The following ICMT variants were observed in gnomAD, a reference collection of about 807,000 sequenced individuals.
The protein encoded by ICMT is protein-S-isoprenylcysteine O-methyltransferase.
In ICMT, 10 loss-of-function variants were observed where a neutral mutation model predicts 32.2. The observed-to-expected ratio is 0.31, with a 90% CI of 0.19 to 0.53. The LOEUF (loss-of-function observed/expected upper bound fraction) is 0.53, where lower values mean the gene tolerates loss of function less well. Among genes scored for constraint, ICMT ranks in the 20% least tolerant of loss-of-function variants. The pLI, the probability that ICMT is intolerant of heterozygous loss-of-function variation, is 0.96. For missense variants in ICMT, 265 were observed against 356.9 expected (o/e 0.74, Z 2.07); for synonymous variants, 183 against 158.2 (o/e 1.16, Z -1.18).
chr1:6,223,806 C>T lies in ICMT; in HGVS notation c.*1274G>A, dbSNP rs1490027896. On this transcript the variant is annotated 3_prime_UTR_variant, in exon 5 of 5. Coordinates refer to ENST00000343813, the MANE Select transcript of ICMT (RefSeq NM_012405.4). ...TGGTGCTCTGGCCCCGCGCCGACGC[C>T]GCCTTCACATTCACACTTCTTCAGT... The T allele has an allele frequency of 2.0e-5, 3 of 152,216 alleles. No homozygotes were observed. Among genetic ancestry groups the T allele is most frequent in the South Asian group, 2.1e-4 (1 of 4,828 alleles). 9.4% of individuals were successfully genotyped at this position (152,216 alleles called of 1,614,324 possible).
chr1:6,235,949 T>G lies in ICMT; in HGVS notation c.-38A>C, dbSNP rs1668822818. On this transcript the variant is annotated 5_prime_UTR_variant, in exon 1 of 5. Transcript: ENST00000343813. ...CGGACTAGCGGGCGGCGGCGCCGGC[T>G]GTAGCCCGGAGAAACGCGCCGGCTG... is the stretch of plus-strand genomic sequence containing the variant. 6.6e-6 allele frequency: 7 copies of G among 1,062,880 alleles called. No individual in the cohort carries two copies. Among genetic ancestry groups the G allele is most frequent in the Non-Finnish European group, 8.0e-6 (7 of 872,544 alleles). 65.8% of individuals were successfully genotyped at this position (1,062,880 alleles called of 1,614,324 possible). A position where few individuals can be genotyped will look rare whatever the true frequency, so the allele number is the denominator to read the frequency against.
In ICMT at chr1:6,223,109, T is replaced by C. The variant is rs1288449242; in HGVS notation, c.*1971A>G. Reference sequence around the variant, plus strand: ...GGCAAGTCCGTCCGGTTTTTTTTGTTGTTGTTGTTGTTTTTTGAGATGGAG... The same window carrying C: ...GGCAAGTCCGTCCGGTTTTTTTTGTCGTTGTTGTTGTTTTTTGAGATGGAG... On this transcript the variant is annotated 3_prime_UTR_variant, in exon 5 of 5. Transcript: ENST00000343813. The C allele has an allele frequency of 1.3e-5, 2 of 152,204 alleles. No individual in the cohort carries two copies. Among genetic ancestry groups the C allele is most frequent in the African/African-American group, 4.8e-5 (2 of 41,408 alleles). The allele number at this position is 152,204 out of a possible 1,614,324, so 9.4% of individuals were successfully genotyped here. A position where few individuals can be genotyped will look rare whatever the true frequency, so the allele number is the denominator to read the frequency against.
At chr1:6,233,014 C>T (rs148641896) in intron 3 of ICMT, among the ~76,000 whole-genome samples, 5 of 152,088 alleles carry the variant, frequency 3.3e-5, no homozygotes, top group South Asian at 2.1e-4. Flanking sequence ...TGTGCCACTA[C>T]GCCTGGCTTT....
chr1:6,234,815 G>A, intron 2 of ICMT, 71 bp downstream of exon 2: 1 of 1,147,086 alleles, frequency 8.7e-7, no homozygotes, highest in Non-Finnish European at 1.3e-6. Context: ...CAGGGATGAG[G>A]AAATGCCGCT....
chr1:6,225,956 G>C (rs1668640051), intron 4 of ICMT, among the ~76,000 whole-genome samples: 1 of 151,846 alleles, frequency 6.6e-6, no homozygotes, highest in South Asian at 2.1e-4. Context: ...TTGGGCTCAA[G>C]TGATTCTCCC....
chr1:6,235,667 C>A (rs1359300000), intron 1 of ICMT, 50 bp downstream of exon 1: 2 of 1,115,204 alleles, frequency 1.8e-6, no homozygotes, highest in South Asian at 8.3e-5. Context: ...CCGCGCCAAG[C>A]GGACCGCCGC....
chr1:6,235,731 G>A lies in ICMT; in HGVS notation c.181C>T (p.Pro61Ser), dbSNP rs1571228598. ...CCGGCCTGCACCTGGTAGCGAGGCG[G>A]CCGATAGAGCAGCAGCAGCAGCGCG... ...LNALLLLLYR[P>S]PRYQIAIRAC... is the part of the protein sequence containing the mutation. Residue 61 changes from proline (P) to serine (S), a missense_variant, in exon 1 of 5, where the codon CCG (proline) becomes TCG (serine). Physicochemically the swap from Pro to Ser is moderately conservative, Grantham distance 74. Around this residue, in one of 2 missense-constraint regions of ICMT, gnomAD observed 99 missense variants for 92.6 expected, o/e 1.07. Coordinates refer to ENST00000343813, the MANE Select transcript of ICMT (RefSeq NM_012405.4). 15 of 1,301,848 alleles carry A rather than the reference G, an allele frequency of 1.2e-5. No homozygotes were observed. The East Asian group carries it at 5.1e-4, about 44-fold the overall frequency. 80.6% of individuals were successfully genotyped at this position (1,301,848 alleles called of 1,614,324 possible).
In ICMT at chr1:6,229,104, G is replaced by A. The variant is rs187421503; in HGVS notation, c.672+2798C>T. On this transcript the variant is annotated intron_variant, in intron 4 of 4. Transcript: ENST00000343813. Reference sequence around the variant, plus strand: ...TGTAATCCCAGCACTTTGAGAGGCCGAGGCGGGTAGATCACTCAACCGCAG... The same window carrying A: ...TGTAATCCCAGCACTTTGAGAGGCCAAGGCGGGTAGATCACTCAACCGCAG... 1.1e-4 allele frequency among the ~76,000 whole-genome samples: 17 copies of A among 151,858 alleles called. No homozygotes were observed. The East Asian group carries it at 1.2e-3, about 10-fold the overall frequency.
In ICMT at chr1:6,224,813, C is replaced by T; in HGVS notation, c.*267G>A. On this transcript the variant is annotated 3_prime_UTR_variant, in exon 5 of 5. Coordinates refer to ENST00000343813, the MANE Select transcript of ICMT (RefSeq NM_012405.4). Reference sequence around the variant, plus strand: ...TGGCCTCGGTCCTCCCCAGGTAACTCTGGAGGGCGCTGTGGAATATTGCTG... The same window carrying T: ...TGGCCTCGGTCCTCCCCAGGTAACTTTGGAGGGCGCTGTGGAATATTGCTG... The T allele has an allele frequency of 2.5e-6, 1 of 403,854 alleles. No homozygotes were observed. The highest frequency in any genetic ancestry group is 4.4e-6 in the Non-Finnish European group (1 of 226,292). 25.0% of individuals were successfully genotyped at this position (403,854 alleles called of 1,614,324 possible).
At chr1:6,235,122 A>T in intron 1 of ICMT, 148 bp from the exon 2 acceptor site, 1 of 638,042 alleles carries the variant, frequency 1.6e-6, no homozygotes, top group South Asian at 1.8e-5. Flanking sequence ...ACCTGGGTTC[A>T]AATTCTGCAC....
At position 6,233,534 on chromosome 1, in the gene ICMT, A is replaced by C; in HGVS notation, c.394T>G (p.Tyr132Asp). The C allele has an allele frequency of 6.2e-7, 1 of 1,614,082 alleles. No homozygotes were observed. The highest frequency in any genetic ancestry group is 1.1e-5 in the South Asian group (1 of 91,080). ...CAAGAAGAAAGAGCAGCTACTGTATACTCCAGGCTGTGATTCAGGAGAAAG... is the reference window on the plus strand; with the variant it reads ...CAAGAAGAAAGAGCAGCTACTGTATCCTCCAGGCTGTGATTCAGGAGAAAG... Reference protein sequence around the residue: ...DSFLLNHSLEYTVAALSSWLE... With the variant: ...DSFLLNHSLEDTVAALSSWLE... Residue 132 changes from tyrosine to aspartate, a missense_variant, in exon 3 of 5, where the codon TAT (tyrosine) becomes GAT (aspartate). Tyr to Asp is a radical substitution (Grantham distance 160). Transcript: ENST00000343813.
Position 6,222,503 on chromosome 1 carries a change from G to A in ICMT, c.*2577C>T, listed in dbSNP as rs545130970. 2 of 152,322 alleles carry A rather than the reference G, an allele frequency of 1.3e-5. No homozygotes were observed. Among genetic ancestry groups the A allele is most frequent in the African/African-American group, 4.8e-5 (2 of 41,568 alleles). 9.4% of individuals were successfully genotyped at this position (152,322 alleles called of 1,614,324 possible). A position where few individuals can be genotyped will look rare whatever the true frequency, so the allele number is the denominator to read the frequency against. On this transcript the variant is annotated 3_prime_UTR_variant, in exon 5 of 5. Transcript: ENST00000343813. Reference sequence around the variant, plus strand: ...CTTCTGCTCTGGGATTATAAACAGGGTGGGAATGTTCTCCCACCATCCCTA... The same window carrying A: ...CTTCTGCTCTGGGATTATAAACAGGATGGGAATGTTCTCCCACCATCCCTA...
rs1014798264 is a variant in ICMT at position 6,222,178 on chromosome 1, T to C, written c.*2902A>G. On this transcript the variant is annotated 3_prime_UTR_variant, in exon 5 of 5. Coordinates refer to ENST00000343813, the MANE Select transcript of ICMT (RefSeq NM_012405.4). ...GCTCACGCCTGTAATCCCAGCACTT[T>C]GGGAGGCCGAGGCGCGTGGATCACT... 1.3e-5 allele frequency: 2 copies of C among 152,214 alleles called. No homozygotes were observed. The highest frequency in any genetic ancestry group is 4.8e-5 in the African/African-American group (2 of 41,436). The allele number at this position is 152,214 out of a possible 1,614,324, so 9.4% of individuals were successfully genotyped here.
At chr1:6,226,764 C>G (rs1045966102) in intron 4 of ICMT, among the ~76,000 whole-genome samples, 1 of 152,190 alleles carries the variant, frequency 6.6e-6, no homozygotes, top group African/African-American at 2.4e-5. Context: ...TTTTTAAAGA[C>G]AGGGTCTCAC....
chr1:6,231,383 G>A (rs2100966594), intron 4 of ICMT, among the ~76,000 whole-genome samples: 1 of 152,056 alleles, frequency 6.6e-6, no homozygotes, highest in South Asian at 2.1e-4. Context: ...ACCCCCTCTG[G>A]GGTGCTTCAG....
intron 4 of ICMT, 71 bp from the exon 5 acceptor site, chr1:6,225,333 T>C: frequency 7.0e-7 from 1 of 1,427,624 alleles, no homozygotes; most frequent in Non-Finnish European, 9.7e-7. Flanking sequence ...TAGGCGTCTG[T>C]CTCTAATACC....
chr1:6,229,091 A>C (rs1668690146), intron 4 of ICMT, among the ~76,000 whole-genome samples: 1 of 151,934 alleles, frequency 6.6e-6, no homozygotes, highest in Non-Finnish European at 1.5e-5. Flanking sequence ...TAATCCCAGC[A>C]CTTTGAGAGG....
At chr1:6,232,224 A>G (rs1287589385) in intron 3 of ICMT, 105 bp from the exon 4 acceptor site, 8 of 769,270 alleles carry the variant, frequency 1.0e-5, no homozygotes, top group African/African-American at 5.2e-5. Flanking sequence ...CAGAAACAGA[A>G]AATGTGCTGC....
intron 4 of ICMT, 103 bp from the exon 5 acceptor site, chr1:6,225,365 C>T: frequency 8.8e-7 from 1 of 1,135,964 alleles, no homozygotes; most frequent in Non-Finnish European, 1.3e-6. Flanking sequence ...TGTGCCCATG[C>T]CCTGCTGAGA....
Sources: gnomAD v4.1 joint callset for allele counts (sites outside exome capture counted in the v4.1 genomes callset) on GRCh38, gnomAD v4.1.1 for gene constraint, gnomAD v4.1.1 regional missense constraint, MANE v1.5 for transcripts, NCBI Gene and HGNC (gene_info 2026-07-23, HGNC 2026-07-21) for gene names.